FGF14: variants seen among roughly 807,000 people sequenced by gnomAD.
FGF14 encodes fibroblast growth factor homologous factor 4.
FGF14 carries 5 observed loss-of-function variants against 25.5 expected under a neutral mutation model. The observed-to-expected ratio is 0.20, with a 90% CI of 0.10 to 0.41. FGF14 has a LOEUF of 0.41. FGF14 is among the 10% of genes least tolerant of loss of function. The probability of loss-of-function intolerance (pLI) is 1.00; values close to 1 mark genes in which losing one functional copy is unlikely to be tolerated. For synonymous variants in FGF14, 138 were observed against 118.3 expected, an observed-to-expected ratio of 1.17 and a Z score of -1.08; for missense variants, 222 against 320.1, an observed-to-expected ratio of 0.69 and a Z score of 2.34.
intron 1 of FGF14, among the ~76,000 whole-genome samples, chr13:101,952,415 T>A (rs1263623424): frequency 6.7e-6 from 1 of 150,284 alleles, no homozygotes; most frequent in Non-Finnish European, 1.5e-5. Flanking sequence ...TTTGGCTACT[T>A]TTTTTTTTTT....
chr13:101,904,444 T>C (rs1054183952), intron 1 of FGF14, among the ~76,000 whole-genome samples: 1 of 152,110 alleles, frequency 6.6e-6, no homozygotes, highest in Non-Finnish European at 1.5e-5. Context: ...AGAGAAGGAA[T>C]AGCAGTGTGA....
chr13:101,868,523 A>G, intron 3 of FGF14: 1 of 566,612 alleles, frequency 1.8e-6, no homozygotes, highest in Non-Finnish European at 3.2e-6. Context: ...TATTTAAGAC[A>G]TAGTATTACA....
intron 1 of FGF14, among the ~76,000 whole-genome samples, chr13:102,334,186 A>G (rs1403030496): frequency 6.6e-6 from 1 of 152,188 alleles, no homozygotes; most frequent in African/African-American, 2.4e-5. Flanking sequence ...GCCAAGTTCA[A>G]TCAAGTCATG....
intron 1 of FGF14, among the ~76,000 whole-genome samples, chr13:102,043,534 G>C (rs2041841292): frequency 6.6e-6 from 1 of 152,272 alleles, no homozygotes; most frequent in East Asian, 1.9e-4. Flanking sequence ...TTTTCCCCTA[G>C]AGGGATCAAA....
intron 1 of FGF14, among the ~76,000 whole-genome samples, chr13:102,351,352 A>G (rs2057274549): frequency 2.0e-5 from 3 of 151,856 alleles, no homozygotes; most frequent in South Asian, 4.1e-4. Flanking sequence ...CCCCTCGAAC[A>G]TGTCTTCAAA....
chr13:102,300,160 A>G (rs1298185101), intron 1 of FGF14: 2 of 152,164 alleles, frequency 1.3e-5, no homozygotes, highest in Non-Finnish European at 2.9e-5. Context: ...AATCAACTAT[A>G]TACCTAAAAT....
intron 1 of FGF14, among the ~76,000 whole-genome samples, chr13:102,312,157 G>A (rs1465532361): frequency 6.9e-6 from 1 of 145,484 alleles, no homozygotes; most frequent in Non-Finnish European, 1.5e-5. Flanking sequence ...AACCATTATT[G>A]TCCTCTCTTT....
At chr13:102,023,015 A>G (rs186077227) in intron 1 of FGF14, among the ~76,000 whole-genome samples, 1 of 151,042 alleles carries the variant, frequency 6.6e-6, no homozygotes, top group East Asian at 2.0e-4. Context: ...AATTAGGAAA[A>G]CTGTACAAAA....
At chr13:101,998,778 C>T (rs2039323951) in intron 1 of FGF14, among the ~76,000 whole-genome samples, 1 of 152,198 alleles carries the variant, frequency 6.6e-6, no homozygotes, top group Admixed American at 6.5e-5. Context: ...TGCATGCCAT[C>T]TCGGCTGTGT....
chr13:102,362,289 C>A (rs2057588992), intron 1 of FGF14, among the ~76,000 whole-genome samples: 1 of 152,158 alleles, frequency 6.6e-6, no homozygotes, highest in Non-Finnish European at 1.5e-5. Context: ...GTACTTTCCT[C>A]CTCACCCCTA....
At chr13:102,375,938 GT>G (rs1289776252) in intron 1 of FGF14, among the ~76,000 whole-genome samples, 1 of 150,022 alleles carries the variant, frequency 6.7e-6, no homozygotes, top group Non-Finnish European at 1.5e-5. Flanking sequence ...TGAAAAAACT[GT>G]TAATTTTGAA....
intron 3 of FGF14, among the ~76,000 whole-genome samples, chr13:101,771,550 T>C (rs2038771338): frequency 6.6e-6 from 1 of 152,120 alleles, no homozygotes; most frequent in Non-Finnish European, 1.5e-5. Context: ...AATAAAATTA[T>C]ACTTGTAGTA....
chr13:101,747,072 G>A (rs756175832), intron 3 of FGF14, among the ~76,000 whole-genome samples: 2 of 151,924 alleles, frequency 1.3e-5, no homozygotes, highest in African/African-American at 2.4e-5. Context: ...TTTGTGGCAG[G>A]AAAGTGGTAT....
intron 1 of FGF14, among the ~76,000 whole-genome samples, chr13:102,294,648 T>C (rs185767217): frequency 6.0e-4 from 91 of 152,294 alleles, no homozygotes; most frequent in African/African-American, 2.2e-3. Flanking sequence ...TGTCAATTTC[T>C]GTTTGCCCTC....
intron 1 of FGF14, among the ~76,000 whole-genome samples, chr13:101,883,017 C>A: frequency 6.6e-6 from 1 of 151,136 alleles, no homozygotes; most frequent in East Asian, 2.0e-4. Flanking sequence ...AGATACGATA[C>A]CTATGAATCC....
At chr13:102,213,086 A>G (rs962800449) in intron 1 of FGF14, among the ~76,000 whole-genome samples, 2 of 152,216 alleles carry the variant, frequency 1.3e-5, no homozygotes, top group Non-Finnish European at 2.9e-5. Context: ...CTTCGAAAAC[A>G]GCTCTAAAGC....
At chr13:102,028,415 C>T (rs1461242364) in intron 1 of FGF14, among the ~76,000 whole-genome samples, 1 of 152,078 alleles carries the variant, frequency 6.6e-6, no homozygotes, top group East Asian at 1.9e-4. Context: ...AGAAAGCAGG[C>T]CTTGCCAGGC....
intron 3 of FGF14, among the ~76,000 whole-genome samples, chr13:101,842,714 C>T (rs996905088): frequency 1.3e-5 from 2 of 152,012 alleles, no homozygotes; most frequent in African/African-American, 4.8e-5. Context: ...CAGCATGACT[C>T]GGAGAGCAAG....
chr13:102,327,538 A>G (rs1459342513), intron 1 of FGF14, among the ~76,000 whole-genome samples: 2 of 152,196 alleles, frequency 1.3e-5, no homozygotes, highest in African/African-American at 4.8e-5. Flanking sequence ...TACGATCATG[A>G]AAACAGAGGA....
Sources: allele counts gnomAD v4.1 joint callset (sites outside exome capture counted in the v4.1 genomes callset), GRCh38; gene constraint gnomAD v4.1.1; transcripts MANE v1.5; gene names NCBI Gene and HGNC (gene_info 2026-07-23, HGNC 2026-07-21).